Variants in VAV3 observed in about 807,000 individuals in gnomAD.
The protein encoded by VAV3 is vav guanine nucleotide exchange factor 3.
A neutral mutation model predicts 131.2 loss-of-function variants in VAV3; 94 were observed. The observed-to-expected ratio is 0.72, with a 90% confidence interval of 0.61 to 0.85. The LOEUF is 0.85. Among genes scored for constraint, VAV3 ranks in the 40% least tolerant of loss-of-function variants. The pLI is 0.00. For synonymous variants in VAV3, 349 were observed against 342.0 expected, an observed-to-expected ratio of 1.02 and a Z score of -0.22; for missense variants, 939 against 1,002.7, an observed-to-expected ratio of 0.94 and a Z score of 0.86.
intron 25 of VAV3, among the ~76,000 whole-genome samples, chr1:107,580,505 T>C (rs1444930542): frequency 6.6e-6 from 1 of 152,176 alleles, no homozygotes; most frequent in Non-Finnish European, 1.5e-5. Flanking sequence ...GGAATCTTCT[T>C]AGGAGTAAAA....
chr1:107,596,996 A>C (rs1321116791), intron 24 of VAV3, among the ~76,000 whole-genome samples: 1 of 152,162 alleles, frequency 6.6e-6, no homozygotes, highest in Non-Finnish European at 1.5e-5. Flanking sequence ...CCTTCAGACT[A>C]TCGTTTCAGA....
At chr1:107,800,217 A>G (rs1220842613) in intron 2 of VAV3, among the ~76,000 whole-genome samples, 12 of 152,174 alleles carry the variant, frequency 7.9e-5, no homozygotes, top group Non-Finnish European at 1.5e-5. Flanking sequence ...AGTCAGTAAT[A>G]TAAGTGCTAG....
At chr1:107,574,335 G>T in intron 25 of VAV3, 137 bp from the exon 26 acceptor site, 1 of 1,063,704 alleles carries the variant, frequency 9.4e-7, no homozygotes, top group Non-Finnish European at 1.3e-6. Context: ...TGGCAGAGGA[G>T]CTTGAAAGCA....
intron 2 of VAV3, among the ~76,000 whole-genome samples, chr1:107,833,282 G>A (rs945502344): frequency 4.6e-5 from 7 of 152,016 alleles, no homozygotes; most frequent in African/African-American, 1.7e-4. Flanking sequence ...GGATAGATCA[G>A]ATCAGCCACA....
At chr1:107,590,938 A>G (rs529528027) in intron 25 of VAV3, among the ~76,000 whole-genome samples, 32 of 152,246 alleles carry the variant, frequency 2.1e-4, no homozygotes, top group African/African-American at 7.5e-4. Flanking sequence ...GTCTTTTAAG[A>G]CAATGTAAAT....
At chr1:107,781,875 T>C (rs1665709400) in intron 2 of VAV3, among the ~76,000 whole-genome samples, 1 of 152,052 alleles carries the variant, frequency 6.6e-6, no homozygotes, top group African/African-American at 2.4e-5. Context: ...AGATCAAGAA[T>C]GAACAAATAC....
chr1:107,624,095 G>C (rs1653809705), intron 20 of VAV3, among the ~76,000 whole-genome samples: 1 of 152,064 alleles, frequency 6.6e-6, no homozygotes, highest in Non-Finnish European at 1.5e-5. Flanking sequence ...AATTTTGGCA[G>C]ATGGAAGTGT....
intron 17 of VAV3, among the ~76,000 whole-genome samples, chr1:107,698,592 C>G (rs1049431062): frequency 1.3e-5 from 2 of 152,166 alleles, no homozygotes; most frequent in African/African-American, 4.8e-5. Context: ...GAGAACAGTA[C>G]CTGGCACTAA....
intron 7 of VAV3, among the ~76,000 whole-genome samples, chr1:107,767,235 G>T (rs970197381): frequency 6.6e-6 from 1 of 152,166 alleles, no homozygotes; most frequent in Non-Finnish European, 1.5e-5. Context: ...CAAAATGTCA[G>T]AATTTCACAT....
intron 2 of VAV3, among the ~76,000 whole-genome samples, chr1:107,793,449 A>G (rs1363511806): frequency 1.3e-5 from 2 of 152,228 alleles, no homozygotes; most frequent in African/African-American, 2.4e-5. Context: ...CCAGAATGAG[A>G]GCACAGGTTC....
chr1:107,873,202 T>C (rs553122031), intron 2 of VAV3, among the ~76,000 whole-genome samples: 2 of 152,278 alleles, frequency 1.3e-5, no homozygotes, highest in African/African-American at 2.4e-5. Context: ...CATTCAATTT[T>C]TTGTAGTATC....
At chr1:107,681,902 C>T (rs779364275) in intron 19 of VAV3, among the ~76,000 whole-genome samples, 54 of 152,050 alleles carry the variant, frequency 3.6e-4, no homozygotes, top group Middle Eastern at 3.2e-3. Flanking sequence ...CCTCGTGATC[C>T]GCCGGCCTTG....
In VAV3 at chr1:107,848,939, G is replaced by C. The variant is rs566169005; in HGVS notation, c.321+25962C>G. Reference sequence around the variant, plus strand: ...TTCCTATACACCAATCAGACAAACAGAGAGACAAATCATAAGTGAACTTCC... The same window carrying C: ...TTCCTATACACCAATCAGACAAACACAGAGACAAATCATAAGTGAACTTCC... On this transcript the variant is annotated intron_variant, in intron 2 of 26. Transcript: ENST00000370056. Among the ~76,000 whole-genome samples the C allele has an allele frequency of 2.6e-5, 4 of 152,188 alleles. No individual in the cohort carries two copies. In the South Asian group the frequency reaches 8.3e-4, roughly 32 times the overall value.
rs1667157447 is a variant in VAV3, at chr1:107,808,292, C to T, written c.322-28800G>A. Among the ~76,000 whole-genome samples the T allele has an allele frequency of 2.0e-5, 3 of 152,008 alleles. 1 individual carries two copies. Among genetic ancestry groups the T allele is most frequent in the African/African-American group, 7.2e-5 (3 of 41,408 alleles). On this transcript the variant is annotated intron_variant, in intron 2 of 26. Transcript: ENST00000370056. ...AAATGACAAATATGAATGAAGTGAA[C>T]ATGACAGGCCTAAGAAGAAAGTTCT...
intron 12 of VAV3, among the ~76,000 whole-genome samples, chr1:107,753,549 T>TATACGTATATATATATACAC (rs771773884): frequency 1.2e-5 from 1 of 82,052 alleles, no homozygotes; most frequent in African/African-American, 4.6e-5. Flanking sequence ...TATATATATA[T>TATACGTATATATATATACAC]ACACACACAC....
At position 107,573,430 on chromosome 1, in the gene VAV3, A is replaced by G; in HGVS notation, c.2503-58T>C. The G allele has an allele frequency of 1.9e-6, 3 of 1,603,872 alleles. No homozygotes were observed. The Admixed American group carries it at 5.1e-5, about 27-fold the overall frequency. On this transcript the variant is annotated intron_variant, in intron 26 of 26. Transcript: ENST00000370056. Reference sequence around the variant, plus strand: ...GACTTTGTATCTGACACTTCAAAGGATTCTACAAACAGAGTATTTTGTTTT... The same window carrying G: ...GACTTTGTATCTGACACTTCAAAGGGTTCTACAAACAGAGTATTTTGTTTT...
At chr1:107,948,669 T>A (rs970312173) in intron 1 of VAV3, among the ~76,000 whole-genome samples, 13 of 152,088 alleles carry the variant, frequency 8.5e-5, no homozygotes, top group Admixed American at 2.0e-4. Context: ...CATGGCGAAA[T>A]CCCATCTCTA....
At chr1:107,736,201 C>A (rs753714703) in intron 15 of VAV3, among the ~76,000 whole-genome samples, 3 of 152,234 alleles carry the variant, frequency 2.0e-5, no homozygotes, top group Admixed American at 1.3e-4. Context: ...ACTGATGGAA[C>A]GTATCTCAAA....
chr1:107,860,519 G>C (rs939937128), intron 2 of VAV3, among the ~76,000 whole-genome samples: 9 of 151,378 alleles, frequency 5.9e-5, no homozygotes, highest in East Asian at 2.0e-4. Context: ...CTTGACTTCA[G>C]GGCTGCTGAG....
Sources: allele counts gnomAD v4.1 joint callset (sites outside exome capture counted in the v4.1 genomes callset), GRCh38; gene constraint gnomAD v4.1.1; transcripts MANE v1.5; gene names NCBI Gene and HGNC (gene_info 2026-07-23, HGNC 2026-07-21).